The following KANK1 variants were observed in gnomAD, a reference collection of about 807,000 sequenced individuals.
KANK1 encodes KN motif and ankyrin repeat domain-containing protein 1.
KANK1 carries 109 observed loss-of-function variants against 106.2 expected under a neutral mutation model. That is an observed-to-expected ratio of 1.03 (90% confidence interval 0.88 to 1.20). The LOEUF is 1.20. Ranked by LOEUF, KANK1 falls within the 50% of genes most tolerant of loss-of-function variation. The pLI is 0.00. For missense variants in KANK1, 2,399 were observed against 1,710.7 expected (o/e 1.40, Z -7.10); for synonymous variants, 873 against 652.2 (o/e 1.34, Z -5.16).
intron 1 of KANK1, among the ~76,000 whole-genome samples, chr9:543,148 T>A (rs1411076392): frequency 6.6e-6 from 1 of 152,200 alleles, no homozygotes; most frequent in African/African-American, 2.4e-5. Context: ...TTTTTAATTA[T>A]AACCTTAATA....
At chr9:517,955 C>G (rs2059364493) in intron 1 of KANK1, among the ~76,000 whole-genome samples, 1 of 151,578 alleles carries the variant, frequency 6.6e-6, no homozygotes, top group East Asian at 1.9e-4. Context: ...CCGGGCTGGT[C>G]TTGAACTCCT....
intron 3 of KANK1, among the ~76,000 whole-genome samples, chr9:482,175 C>T (rs1429901184): frequency 1.3e-5 from 2 of 152,200 alleles, no homozygotes; most frequent in Admixed American, 6.5e-5. Context: ...ATCCCAGCCT[C>T]ACCGCCTGTT....
At chr9:663,108 GTCA>G (rs2138186243) in intron 1 of KANK1, among the ~76,000 whole-genome samples, 1 of 152,264 alleles carries the variant, frequency 6.6e-6, no homozygotes, top group South Asian at 2.1e-4. Flanking sequence ...ATCAGAGAAG[GTCA>G]TACAAGAATC....
chr9:513,056 C>T (rs1481384593), intron 1 of KANK1, among the ~76,000 whole-genome samples: 2 of 152,162 alleles, frequency 1.3e-5, no homozygotes, highest in Non-Finnish European at 2.9e-5. Context: ...ATGGTTGAGG[C>T]TTGACAATGA....
chr9:659,592 G>A (rs1365301341), intron 1 of KANK1, among the ~76,000 whole-genome samples: 1 of 152,172 alleles, frequency 6.6e-6, no homozygotes, highest in Non-Finnish European at 1.5e-5. Flanking sequence ...TCGACTCACA[G>A]TTCCACAGGC....
chr9:549,792 C>G (rs2061162062), intron 1 of KANK1: 1 of 152,238 alleles, frequency 6.6e-6, no homozygotes, highest in African/African-American at 2.4e-5. Flanking sequence ...GTGCGTAAAT[C>G]CTCACGCAGG....
At chr9:709,604 T>C (rs1357707452) in intron 2 of KANK1, among the ~76,000 whole-genome samples, 4 of 145,284 alleles carry the variant, frequency 2.8e-5, no homozygotes, top group African/African-American at 1.1e-4. Flanking sequence ...GACAATGCTT[T>C]CATGTCTTTT....
At position 678,391 on chromosome 9, in the gene KANK1, A is replaced by G. The variant is rs72691391; in HGVS notation, c.37+1382A>G. Among the ~76,000 whole-genome samples, 695 of 152,238 alleles carry G rather than the reference A, an allele frequency of 4.6e-3. 11 individuals are homozygous for G. Among genetic ancestry groups the G allele is most frequent in the African/African-American group, 0.016 (644 of 41,530 alleles). ...TTATTTTACTGTCATCATCATCCCT[A>G]TGTAATGTCACAGAGAAGTTCAGGG... On this transcript the variant is annotated intron_variant, in intron 2 of 11. Transcript: ENST00000382297.
In KANK1 at chr9:672,615, A is replaced by G. The variant is rs148251844; in HGVS notation, c.-83-4275A>G. Among the ~76,000 whole-genome samples the G allele has an allele frequency of 4.1e-3, 626 of 152,336 alleles. 7 individuals carry two copies. The highest frequency in any genetic ancestry group is 0.014 in the African/African-American group (564 of 41,578). On this transcript the variant is annotated intron_variant, in intron 1 of 11. Coordinates refer to ENST00000382297, the MANE Select transcript of KANK1 (RefSeq NM_015158.5). ...TGGCATTTGATAGTTTAGCAGTGCT[A>G]GAGTATATATCAAATCTCAATTTTA...
chr9:496,329 G>A (rs543146367), intron 3 of KANK1, among the ~76,000 whole-genome samples: 4 of 152,218 alleles, frequency 2.6e-5, no homozygotes, highest in South Asian at 2.1e-4. Flanking sequence ...CGAGGCGAGC[G>A]GATCACTTGA....
intron 2 of KANK1, among the ~76,000 whole-genome samples, chr9:695,889 C>T (rs1821143605): frequency 6.6e-6 from 1 of 152,156 alleles, no homozygotes; most frequent in South Asian, 2.1e-4. Context: ...TACATCTCTT[C>T]CTCTGTTATA....
intron 3 of KANK1, among the ~76,000 whole-genome samples, chr9:722,991 C>T (rs1829756363): frequency 6.6e-6 from 1 of 152,052 alleles, no homozygotes; most frequent in African/African-American, 2.4e-5. Flanking sequence ...GGAATGGTAT[C>T]ATAGAAAAAA....
intron 1 of KANK1, among the ~76,000 whole-genome samples, chr9:666,333 A>G (rs1844571097): frequency 6.6e-6 from 1 of 152,208 alleles, no homozygotes; most frequent in Non-Finnish European, 1.5e-5. Flanking sequence ...GCTTTACTGA[A>G]TTCACTTATT....
intron 3 of KANK1, among the ~76,000 whole-genome samples, chr9:721,740 C>A (rs188226815): frequency 5.3e-5 from 8 of 152,338 alleles, no homozygotes; most frequent in Middle Eastern, 3.4e-3. Context: ...CTAGGACTTT[C>A]ACTTCTTGTG....
intron 1 of KANK1, among the ~76,000 whole-genome samples, chr9:589,623 C>G (rs2135509593): frequency 6.6e-6 from 1 of 152,026 alleles, no homozygotes; most frequent in African/African-American, 2.4e-5. Context: ...ATCTTTGAGA[C>G]TGAAGGAATG....
In KANK1 at chr9:729,972, G is replaced by A. The variant is rs10125507; in HGVS notation, c.2699-79G>A. ...ATAATAGTCCCATTTTAAATTATGA[G>A]TGGCAAGAATTGTTTTTGTTGAAGC... On this transcript the variant is annotated intron_variant, in intron 3 of 11. Transcript: ENST00000382297. 214,257 of 1,220,602 alleles carry A rather than the reference G, an allele frequency of 0.18. 20,836 individuals are homozygous for A. The highest frequency in any genetic ancestry group is 0.32 in the Admixed American group (13,767 of 43,048). 75.6% of individuals were successfully genotyped at this position (1,220,602 alleles called of 1,614,324 possible). A position where few individuals can be genotyped will look rare whatever the true frequency, so the allele number is the denominator to read the frequency against.
At chr9:622,236 G>A (rs182398550) in intron 1 of KANK1, among the ~76,000 whole-genome samples, 1 of 152,194 alleles carries the variant, frequency 6.6e-6, no homozygotes, top group Admixed American at 6.5e-5. Context: ...GACTTCCCTT[G>A]GAGCACAAAG....
chr9:644,717 C>T (rs1297162844), intron 1 of KANK1, among the ~76,000 whole-genome samples: 3 of 151,036 alleles, frequency 2.0e-5, no homozygotes, highest in Non-Finnish European at 4.4e-5. Flanking sequence ...CTCGGGATTA[C>T]TGTTCAACAT....
intron 1 of KANK1, among the ~76,000 whole-genome samples, chr9:661,685 T>C (rs1366385023): frequency 6.6e-6 from 1 of 152,114 alleles, no homozygotes; most frequent in East Asian, 1.9e-4. Flanking sequence ...TTCTAGATCG[T>C]TGAGGAATCA....
Sources: gnomAD v4.1 joint callset for allele counts (sites outside exome capture counted in the v4.1 genomes callset) on GRCh38, gnomAD v4.1.1 for gene constraint, MANE v1.5 for transcripts, NCBI Gene and HGNC (gene_info 2026-07-23, HGNC 2026-07-21) for gene names.